Variants in SYNE2 observed in about 807,000 individuals in gnomAD.
The protein encoded by SYNE2 is nesprin-2.
A neutral mutation model predicts 856.3 loss-of-function variants in SYNE2; 431 were observed. That is an observed-to-expected ratio of 0.50 (90% CI 0.47 to 0.55). The LOEUF (loss-of-function observed/expected upper bound fraction) is 0.55. Ranked by LOEUF, SYNE2 falls within the 20% of genes least tolerant of loss-of-function variation. The pLI, the probability that SYNE2 is intolerant of heterozygous loss-of-function variation, is 0.00. For missense variants in SYNE2, 8,129 were observed against 8,023.2 expected, an observed-to-expected ratio of 1.01 and a Z score of -0.50; for synonymous variants, 2,923 against 2,872.3, an observed-to-expected ratio of 1.02 and a Z score of -0.56.
At chr14:64,046,333 A>G (rs2097186200) in intron 45 of SYNE2, among the ~76,000 whole-genome samples, 1 of 152,214 alleles carries the variant, frequency 6.6e-6, no homozygotes, top group Non-Finnish European at 1.5e-5. Context: ...GATTGGCTTA[A>G]GACATAATTT....
rs933125051 is a variant in SYNE2, at chr14:64,030,962, A to G, written c.6880-54A>G. 84 of 1,360,796 alleles carry G rather than the reference A, an allele frequency of 6.2e-5. 1 individual carries two copies. The highest frequency in any genetic ancestry group is 8.2e-5 in the Non-Finnish European group (78 of 951,782). 84.3% of individuals were successfully genotyped at this position (1,360,796 alleles called of 1,614,324 possible). On this transcript the variant is annotated intron_variant, in intron 44 of 115. Coordinates refer to ENST00000555002, the MANE Select transcript of SYNE2 (RefSeq NM_182914.3). The stretch of plus-strand genomic sequence containing the variant: ...AGTACTCTGTGATTTACAAAAGTCA[A>G]TTAACTTTTGTGGCAATTGAATGGA...
At chr14:63,831,549 CTTTTTTTTTTTTTTTTT>C (rs1211983068) in intron 1 of SYNE2, among the ~76,000 whole-genome samples, 1 of 69,548 alleles carries the variant, frequency 1.4e-5, no homozygotes, top group African/African-American at 5.5e-5. Context: ...AATGTTCATT[CTTTTTTTTTTTTTTTTT>C]TTTTTTTGAG....
chr14:63,963,651 A>C (rs2096351518), intron 9 of SYNE2, among the ~76,000 whole-genome samples: 1 of 152,200 alleles, frequency 6.6e-6, no homozygotes. Flanking sequence ...AATGTTCTCC[A>C]AGCCAAAATG....
At chr14:64,044,624 T>C (rs1429006332) in intron 45 of SYNE2, among the ~76,000 whole-genome samples, 2 of 152,172 alleles carry the variant, frequency 1.3e-5, no homozygotes, top group Non-Finnish European at 2.9e-5. Flanking sequence ...ACAATTCCCA[T>C]GTGTCATGGG....
intron 78 of SYNE2, 139 bp downstream of exon 78, chr14:64,134,339 C>A: frequency 1.1e-6 from 1 of 937,662 alleles, no homozygotes; most frequent in Non-Finnish European, 1.7e-6. Flanking sequence ...TGAATGTATT[C>A]AGGGAGACTA....
rs61115466 is a variant in SYNE2, at chr14:64,072,116, T to A, written c.10697+1206T>A. On this transcript the variant is annotated intron_variant, in intron 52 of 115. Coordinates refer to ENST00000555002, the MANE Select transcript of SYNE2 (RefSeq NM_182914.3). ...AAGGAATCTTTAAATTACTTTTTTT[T>A]AATTTTCATAACAACACTGCAGTGA... 5.5e-3 allele frequency among the ~76,000 whole-genome samples: 836 copies of A among 152,362 alleles called. 10 individuals carry two copies. Among genetic ancestry groups the A allele is most frequent in the African/African-American group, 0.02 (814 of 41,578 alleles).
intron 1 of SYNE2, among the ~76,000 whole-genome samples, chr14:63,790,597 G>T (rs1280694896): frequency 5.9e-5 from 9 of 152,182 alleles, no homozygotes. Context: ...TTGTAGAGGA[G>T]CATTTCCAAG....
intron 1 of SYNE2, among the ~76,000 whole-genome samples, chr14:63,827,671 A>AAAAAGAAAG (rs1566593104): frequency 5.9e-4 from 88 of 148,500 alleles, no homozygotes; most frequent in African/African-American, 2.0e-3. Flanking sequence ...GAAAAAGAAA[A>AAAAAGAAAG]AAAGAAAAGA....
intron 7 of SYNE2, among the ~76,000 whole-genome samples, chr14:63,954,025 C>T (rs1188360267): frequency 6.6e-6 from 1 of 152,170 alleles, no homozygotes; most frequent in Admixed American, 6.5e-5. Context: ...GTGATCCTCC[C>T]GCCTCAGCCT....
chr14:63,902,957 T>A (rs550268996), intron 1 of SYNE2, among the ~76,000 whole-genome samples: 7 of 152,228 alleles, frequency 4.6e-5, no homozygotes, highest in South Asian at 4.1e-4. Flanking sequence ...GGATTACAGG[T>A]ATGAGCCACT....
intron 1 of SYNE2, among the ~76,000 whole-genome samples, chr14:63,779,220 G>A (rs11848860): frequency 0.022 from 3,376 of 151,808 alleles, 46 homozygotes; most frequent in Middle Eastern, 0.034. Context: ...AGCTACTCAG[G>A]AGGCTGAGGC....
chr14:63,870,752 C>A (rs1360796943), intron 1 of SYNE2, among the ~76,000 whole-genome samples: 1 of 151,656 alleles, frequency 6.6e-6, no homozygotes, highest in Non-Finnish European at 1.5e-5. Flanking sequence ...AGAACCCAAG[C>A]TTTTAACCAC....
intron 54 of SYNE2, among the ~76,000 whole-genome samples, chr14:64,077,839 G>A (rs190784685): frequency 1.3e-5 from 2 of 151,846 alleles, no homozygotes; most frequent in East Asian, 3.9e-4. Flanking sequence ...TAAGAGAATC[G>A]TTTAGATAAA....
At chr14:63,773,551 T>G (rs1374324416) in intron 1 of SYNE2, among the ~76,000 whole-genome samples, 2 of 152,138 alleles carry the variant, frequency 1.3e-5, no homozygotes, top group African/African-American at 4.8e-5. Flanking sequence ...TTTTCTTTGT[T>G]TGTTTTTACT....
At chr14:63,884,419 A>T (rs1365757922) in intron 1 of SYNE2, among the ~76,000 whole-genome samples, 1 of 152,144 alleles carries the variant, frequency 6.6e-6, no homozygotes, top group Non-Finnish European at 1.5e-5. Flanking sequence ...ACTTTGCATC[A>T]GACTTGATGT....
Position 63,986,533 on chromosome 14 carries a change from T to G in SYNE2, c.2229T>G (p.Ile743Met), listed in dbSNP as rs888617037. ...LKVAKDVEKLIGQVEIWEAEA... is the reference protein window; with the variant it reads ...LKVAKDVEKLMGQVEIWEAEA... ...TGGCTAAAGATGTTGAAAAACTCATTGGACAAGTGGAAATCTGGGAGGCAG... is the reference window on the plus strand; with the variant it reads ...TGGCTAAAGATGTTGAAAAACTCATGGGACAAGTGGAAATCTGGGAGGCAG... The change falls in exon 19 of 116, where the codon ATT becomes ATG. Residue 743 changes from isoleucine to methionine, a missense_variant. Physicochemically the swap from Ile to Met is conservative, Grantham distance 10 (BLOSUM62 1). Coordinates refer to ENST00000555002, the MANE Select transcript of SYNE2 (RefSeq NM_182914.3). 2 of 1,614,166 alleles carry G rather than the reference T, an allele frequency of 1.2e-6. No homozygotes were observed. The highest frequency in any genetic ancestry group is 1.7e-6 in the Non-Finnish European group (2 of 1,179,994).
At chr14:63,881,941 G>A (rs1005587633) in intron 1 of SYNE2, among the ~76,000 whole-genome samples, 2 of 152,210 alleles carry the variant, frequency 1.3e-5, no homozygotes, top group Non-Finnish European at 2.9e-5. Context: ...CTTTAGAATA[G>A]TGTTTGAAAG....
In SYNE2 at chr14:64,056,053, A is replaced by T. The variant is rs1280962563; in HGVS notation, c.9854A>T (p.Asp3285Val). 1 of 1,614,190 alleles carries T rather than the reference A, an allele frequency of 6.2e-7. No individual in the cohort carries two copies. Among genetic ancestry groups the T allele is most frequent in the Non-Finnish European group, 8.5e-7 (1 of 1,180,002 alleles). Residue 3285 changes from aspartate to valine, a missense_variant, in exon 49 of 116, where the codon GAT (aspartate) becomes GTT (valine). By Grantham distance (152) the Asp-to-Val change is radical (BLOSUM62 -3). This residue lies in a region of SYNE2 where 5,410 missense variants were observed against 5,284.8 expected (regional missense o/e 1.02). Coordinates refer to ENST00000555002, the MANE Select transcript of SYNE2 (RefSeq NM_182914.3). ...LEAIIIPYRV[D>V]VGNPEESLEM... The stretch of plus-strand genomic sequence containing the variant: ...GCCATCATTATACCCTACAGAGTAG[A>T]TGTTGGTAATCCAGAAGAATCTTTA...
At position 63,998,959 on chromosome 14, in the gene SYNE2, C is replaced by A; in HGVS notation, c.3399C>A (p.Asn1133Lys). The stretch of plus-strand genomic sequence containing the variant: ...TTCTTGAACACCACCTGCAAAACAA[C>A]AAATTCAGGATTACTTCTGATTTCT... ...RDILEHHLQN[N>K]KFRITSDFSS... Residue 1133 changes from asparagine to lysine, a missense_variant, in exon 27 of 116, where the codon AAC becomes AAA. Asn to Lys is a moderately conservative substitution (Grantham distance 94, BLOSUM62 0). Transcript: ENST00000555002. 6.2e-7 allele frequency: 1 copy of A among 1,614,088 alleles called. No homozygotes were observed.
Sources: gnomAD v4.1 joint callset for allele counts (sites outside exome capture counted in the v4.1 genomes callset) on GRCh38, gnomAD v4.1.1 for gene constraint, gnomAD v4.1.1 regional missense constraint, MANE v1.5 for transcripts, NCBI Gene and HGNC (gene_info 2026-07-23, HGNC 2026-07-21) for gene names.